FYB1: variants seen among roughly 807,000 people sequenced by gnomAD.
FYB1 encodes the protein FYN binding protein 1, also known as FYN-binding protein 1.
In FYB1, 41 loss-of-function variants were observed where a neutral mutation model predicts 94.1. The observed-to-expected ratio is 0.44, with a 90% confidence interval of 0.34 to 0.57. The LOEUF (loss-of-function observed/expected upper bound fraction) is 0.57. FYB1 is among the 20% of genes least tolerant of loss of function. The probability of loss-of-function intolerance (pLI) is 0.02; values close to 1 mark genes in which losing one functional copy is unlikely to be tolerated. For missense variants in FYB1, 1,050 were observed against 976.8 expected (o/e 1.07, Z -1.00); for synonymous variants, 367 against 353.2 (o/e 1.04, Z -0.44).
intron 2 of FYB1, among the ~76,000 whole-genome samples, chr5:39,189,988 A>G (rs1035049188): frequency 1.3e-5 from 2 of 152,266 alleles, no homozygotes; most frequent in Admixed American, 1.3e-4. Flanking sequence ...TTGCTCCTTC[A>G]TAGATCTGCA....
chr5:39,132,588 G>C (rs992043052), intron 9 of FYB1, among the ~76,000 whole-genome samples: 9 of 152,024 alleles, frequency 5.9e-5, no homozygotes, highest in African/African-American at 2.2e-4. Context: ...TTAGAGTCGT[G>C]GTATGTATGG....
At position 39,153,585 on chromosome 5, in the gene FYB1, C is replaced by A; in HGVS notation, c.1155G>T (p.Thr385=). 6.2e-7 allele frequency: 1 copy of A among 1,613,168 alleles called. No individual in the cohort carries two copies. Among genetic ancestry groups the A allele is most frequent in the Non-Finnish European group, 8.5e-7 (1 of 1,179,620 alleles). Residue 385 remains threonine, a synonymous_variant, in exon 3 of 19, where the codon ACG becomes ACT. Transcript: ENST00000512982. ...GTGGCAGGGAAGTTGTTGAGTAAGA[C>A]GTCTGGCCTTTGCTAGTACCTAAGA... ...SSGNSTSKGQ[T]SYSTTSLPPP...
intron 1 of FYB1, among the ~76,000 whole-genome samples, chr5:39,204,012 T>C (rs774209969): frequency 6.6e-6 from 1 of 152,190 alleles, no homozygotes; most frequent in Non-Finnish European, 1.5e-5. Flanking sequence ...AGTTAACCAA[T>C]GTGGCCATGA....
intron 2 of FYB1, among the ~76,000 whole-genome samples, chr5:39,198,922 C>T (rs1226540122): frequency 6.6e-6 from 1 of 151,896 alleles, no homozygotes; most frequent in Non-Finnish European, 1.5e-5. Context: ...CACGATGGTA[C>T]ATGGAGAAAG....
chr5:39,205,819 T>A (rs1246478212), intron 1 of FYB1, among the ~76,000 whole-genome samples: 1 of 152,202 alleles, frequency 6.6e-6, no homozygotes, highest in Non-Finnish European at 1.5e-5. Context: ...GTAGTTATCC[T>A]CTCTGAGGCT....
intron 2 of FYB1, among the ~76,000 whole-genome samples, chr5:39,191,145 AT>A (rs1380431639): frequency 6.6e-6 from 1 of 152,184 alleles, no homozygotes; most frequent in Admixed American, 6.5e-5. Context: ...CTGCTTTGCC[AT>A]TTTTTGGGGA....
At chr5:39,122,947 A>T (rs1183905590) in intron 13 of FYB1, among the ~76,000 whole-genome samples, 2 of 152,150 alleles carry the variant, frequency 1.3e-5, no homozygotes, top group African/African-American at 2.4e-5. Flanking sequence ...TATTTCTTTT[A>T]ATTAAATACT....
Position 39,107,463 on chromosome 5 carries a change from A to G in FYB1, c.2470T>C (p.Cys824Arg), listed in dbSNP as rs146479455. The change falls in exon 19 of 19, where the codon TGC (cysteine) becomes CGC (arginine). Residue 824 changes from cysteine (C) to arginine (R), a missense_variant and splice_region_variant. Transcript: ENST00000512982. ...GAGTGCTAGTCATTGTCATAGATGC[A>G]GCCTGAAAGGAAAAAATACAAATTT... ...GEIYDDIADGCIYDND is the reference protein window; with the variant it reads ...GEIYDDIADGRIYDND 1.3e-5 allele frequency: 20 copies of G among 1,519,176 alleles called. No individual in the cohort carries two copies. The East Asian group carries it at 5.0e-4, about 38-fold the overall frequency. 94.1% of individuals were successfully genotyped at this position (1,519,176 alleles called of 1,614,324 possible).
chr5:39,161,191 G>A (rs986591437), intron 2 of FYB1, among the ~76,000 whole-genome samples: 5 of 152,032 alleles, frequency 3.3e-5, no homozygotes, highest in African/African-American at 7.2e-5. Flanking sequence ...TCTGAGGTGG[G>A]TCTCCACTGT....
intron 1 of FYB1, chr5:39,208,964 CCTAGATTAAAGAAAATAACA>C (rs1462542358): frequency 6.6e-6 from 1 of 151,984 alleles, no homozygotes; most frequent in African/African-American, 2.4e-5. Flanking sequence ...GTTTGCATCG[CCTAGATTAAAGAAAATAACA>C]CATATGACCC....
At chr5:39,244,822 G>A (rs1751394670) in intron 1 of FYB1, among the ~76,000 whole-genome samples, 1 of 152,172 alleles carries the variant, frequency 6.6e-6, no homozygotes. Context: ...TTCAGAGCCT[G>A]TTATTGGTGT....
chr5:39,142,844 G>T (rs1315269274), intron 3 of FYB1, among the ~76,000 whole-genome samples: 1 of 152,130 alleles, frequency 6.6e-6, no homozygotes, highest in African/African-American at 2.4e-5. Context: ...TCACTTGATT[G>T]CTTTGTGGCC....
chr5:39,211,482 T>C (rs12152948), intron 1 of FYB1, among the ~76,000 whole-genome samples: 97,984 of 151,886 alleles, frequency 0.65, 35,689 homozygotes, highest in Non-Finnish European at 0.82. Context: ...CCACCACGCC[T>C]GGCTAATTTT....
At chr5:39,211,670 C>T (rs1006879398) in intron 1 of FYB1, among the ~76,000 whole-genome samples, 1 of 152,086 alleles carries the variant, frequency 6.6e-6, no homozygotes, top group African/African-American at 2.4e-5. Flanking sequence ...TTGCTAAGGA[C>T]ATTTGAAGTC....
intron 1 of FYB1, among the ~76,000 whole-genome samples, chr5:39,242,065 T>C (rs972743166): frequency 1.7e-4 from 26 of 152,164 alleles, no homozygotes; most frequent in African/African-American, 6.0e-4. Flanking sequence ...AATCACTATT[T>C]TTTTTCCCTC....
chr5:39,253,164 A>G (rs66500827), intron 1 of FYB1, among the ~76,000 whole-genome samples: 23,657 of 152,168 alleles, frequency 0.16, 2,256 homozygotes, highest in African/African-American at 0.27. Context: ...CTGAGATGAC[A>G]TTGCAGTGGT....
intron 10 of FYB1, among the ~76,000 whole-genome samples, chr5:39,128,746 G>A (rs940199335): frequency 1.8e-4 from 27 of 151,950 alleles, no homozygotes; most frequent in African/African-American, 5.8e-4. Context: ...TCTTTCCATC[G>A]TATTAAGATC....
rs183554016 is a variant in FYB1 at position 39,252,805 on chromosome 5, C to T, written c.-28+21598G>A. On this transcript the variant is annotated intron_variant, in intron 1 of 1. Transcript: ENST00000510188. ...GGATTGGATCTTTCTGGCTGCTAAT[C>T]ACTTAACTTCTCTCCCCACTGGTTT... 2.0e-5 allele frequency among the ~76,000 whole-genome samples: 3 copies of T among 152,314 alleles called. No individual in the cohort carries two copies. In the East Asian group the frequency reaches 5.8e-4, roughly 29 times the overall value.
intron 3 of FYB1, among the ~76,000 whole-genome samples, chr5:39,143,211 A>C (rs1226530872): frequency 2.0e-5 from 3 of 152,104 alleles, no homozygotes; most frequent in Non-Finnish European, 4.4e-5. Context: ...TTATCATCTC[A>C]GAAACTGAGG....
Sources: gnomAD v4.1 joint callset for allele counts (sites outside exome capture counted in the v4.1 genomes callset) on GRCh38, gnomAD v4.1.1 for gene constraint, MANE v1.5 for transcripts, NCBI Gene and HGNC (gene_info 2026-07-23, HGNC 2026-07-21) for gene names.